TYW1B: variants seen among roughly 807,000 people sequenced by gnomAD.
TYW1B encodes the protein S-adenosyl-L-methionine-dependent tRNA 4-demethylwyosine synthase TYW1B.
Under a neutral mutation model 86.9 loss-of-function variants are expected in TYW1B, and 73 were observed. The observed-to-expected ratio is 0.84, with a 90% CI of 0.70 to 1.02. The LOEUF is 1.02. TYW1B is among the 50% of genes least tolerant of loss of function. The pLI is 0.00. For missense variants in TYW1B, 637 were observed against 827.4 expected (o/e 0.77, Z 2.82); for synonymous variants, 248 against 292.8 (o/e 0.85, Z 1.56).
intron 11 of TYW1B, among the ~76,000 whole-genome samples, chr7:72,683,518 C>T (rs1585900552): frequency 6.6e-6 from 1 of 152,172 alleles, no homozygotes; most frequent in Non-Finnish European, 1.5e-5. Context: ...TGCAGTGAGC[C>T]GAGATCGTGC....
chr7:72,676,373 A>C (rs1266502513), intron 11 of TYW1B, among the ~76,000 whole-genome samples: 6 of 152,202 alleles, frequency 3.9e-5, no homozygotes, highest in Admixed American at 2.0e-4. Flanking sequence ...AGCTATGATT[A>C]TTAAATAAAA....
intron 12 of TYW1B, among the ~76,000 whole-genome samples, chr7:72,617,479 G>A (rs1306209524): frequency 6.6e-6 from 1 of 152,140 alleles, no homozygotes; most frequent in South Asian, 2.1e-4. Flanking sequence ...AGAGTCTCGT[G>A]CCTCAGCCTT....
intron 7 of TYW1B, among the ~76,000 whole-genome samples, chr7:72,762,684 G>A (rs1359922997): frequency 6.6e-6 from 1 of 151,980 alleles, no homozygotes; most frequent in Non-Finnish European, 1.5e-5. Context: ...TTTTTAGACA[G>A]TGTCCCACTC....
intron 11 of TYW1B, among the ~76,000 whole-genome samples, chr7:72,633,334 T>C (rs2960938): frequency 0.11 from 12,436 of 113,244 alleles, no homozygotes; most frequent in African/African-American, 0.18. Context: ...CTAACACCAC[T>C]GGCTTGCCCT....
intron 11 of TYW1B, among the ~76,000 whole-genome samples, chr7:72,691,018 G>A (rs1814143277): frequency 6.6e-6 from 1 of 152,204 alleles, no homozygotes; most frequent in Non-Finnish European, 1.5e-5. Context: ...CTCCCAAAGT[G>A]CTGGGAATAC....
intron 10 of TYW1B, among the ~76,000 whole-genome samples, chr7:72,704,175 T>C (rs1814559441): frequency 6.6e-6 from 1 of 152,162 alleles, no homozygotes; most frequent in Non-Finnish European, 1.5e-5. Flanking sequence ...AGCTCATTCC[T>C]GTAATCCCAG....
Position 72,653,848 on chromosome 7 carries a change from G to A in TYW1B, c.1507-24851C>T, listed in dbSNP as rs774487373. Among the ~76,000 whole-genome samples the A allele has an allele frequency of 7.2e-5, 11 of 152,220 alleles. 1 individual carries two copies. The highest frequency in any genetic ancestry group is 5.8e-4 in the East Asian group (3 of 5,182). On this transcript the variant is annotated intron_variant, in intron 11 of 13. Transcript: ENST00000620995. Reference sequence around the variant, plus strand: ...TGTGATCCCAGCACTTTGGGAGGCCGAAGCGGGTGGATCACAAGGTCAGGA... The same window carrying A: ...TGTGATCCCAGCACTTTGGGAGGCCAAAGCGGGTGGATCACAAGGTCAGGA...
intron 3 of TYW1B, among the ~76,000 whole-genome samples, chr7:72,811,487 C>T (rs1411849226): frequency 6.6e-6 from 1 of 151,778 alleles, no homozygotes; most frequent in Non-Finnish European, 1.5e-5. Flanking sequence ...GGTGACCTTG[C>T]TTATCCAATA....
At chr7:72,693,522 C>T (rs554402424) in intron 11 of TYW1B, among the ~76,000 whole-genome samples, 1 of 151,520 alleles carries the variant, frequency 6.6e-6, no homozygotes, top group Middle Eastern at 3.4e-3. Flanking sequence ...GATTCTCCCA[C>T]CTTAGCCTCC....
chr7:72,582,328 C>T (rs554779915), intron 13 of TYW1B, among the ~76,000 whole-genome samples: 37 of 152,116 alleles, frequency 2.4e-4, no homozygotes, highest in African/African-American at 8.7e-4. Flanking sequence ...AAGAGAAAAT[C>T]GAATGAGAAA....
chr7:72,761,272 A>T (rs1787681172), intron 7 of TYW1B, among the ~76,000 whole-genome samples: 1 of 152,166 alleles, frequency 6.6e-6, no homozygotes, highest in Admixed American at 6.6e-5. Flanking sequence ...TATAAGTGAA[A>T]AACAATTCAA....
intron 11 of TYW1B, among the ~76,000 whole-genome samples, chr7:72,662,866 C>T (rs1813367877): frequency 1.3e-5 from 2 of 152,260 alleles, no homozygotes; most frequent in African/African-American, 4.8e-5. Context: ...ATCTTCATTT[C>T]CCAAATGCAC....
chr7:72,607,393 CAAA>C (rs57281644), intron 13 of TYW1B, among the ~76,000 whole-genome samples: 3 of 76,222 alleles, frequency 3.9e-5, no homozygotes, highest in South Asian at 5.3e-4. Flanking sequence ...TTCTGTCTCT[CAAA>C]AAAAAAAAAA....
At chr7:72,761,590 CA>C (rs35579702) in intron 7 of TYW1B, among the ~76,000 whole-genome samples, 14 of 140,042 alleles carry the variant, frequency 1.0e-4, no homozygotes, top group Middle Eastern at 3.6e-3. Context: ...GACCCTGTCT[CA>C]AAAAAAAAAA....
At chr7:72,823,864 T>C (rs1554480994) in intron 2 of TYW1B, among the ~76,000 whole-genome samples, 2 of 152,030 alleles carry the variant, frequency 1.3e-5, no homozygotes, top group African/African-American at 4.8e-5. Context: ...AAAATAGAAA[T>C]AGTTACAAGG....
chr7:72,694,642 C>T (rs781916911), intron 11 of TYW1B, 45 bp downstream of exon 11: 17 of 1,561,086 alleles, frequency 1.1e-5, no homozygotes, highest in East Asian at 9.1e-5. Flanking sequence ...CTTCAGTACA[C>T]ACCTGAGGGT....
chr7:72,644,921 G>A (rs1330117612), intron 11 of TYW1B, among the ~76,000 whole-genome samples: 4 of 147,434 alleles, frequency 2.7e-5, no homozygotes, highest in Admixed American at 6.9e-5. Flanking sequence ...TCTGCCTCCC[G>A]GGTTCAAGCG....
At chr7:72,770,355 G>C (rs1787844532) in intron 7 of TYW1B, among the ~76,000 whole-genome samples, 1 of 150,158 alleles carries the variant, frequency 6.7e-6, no homozygotes, top group African/African-American at 2.5e-5. Context: ...CTTGAACCCA[G>C]GAGGCAGAGG....
chr7:72,738,645 T>C (rs34744301), intron 8 of TYW1B, among the ~76,000 whole-genome samples: 2 of 151,962 alleles, frequency 1.3e-5, no homozygotes, highest in African/African-American at 4.8e-5. Flanking sequence ...TCCAAATCTC[T>C]GTGTGGGACA....
Sources: allele counts gnomAD v4.1 joint callset (sites outside exome capture counted in the v4.1 genomes callset), GRCh38; gene constraint gnomAD v4.1.1; transcripts MANE v1.5; gene names NCBI Gene and HGNC (gene_info 2026-07-23, HGNC 2026-07-21).